The following ZNF407 variants were observed in gnomAD, a reference collection of about 807,000 sequenced individuals.
ZNF407 encodes the protein zinc finger protein 407.
A neutral mutation model predicts 131.2 loss-of-function variants in ZNF407; 17 were observed. That is an observed-to-expected ratio of 0.13 (90% CI 0.09 to 0.19). The LOEUF (loss-of-function observed/expected upper bound fraction) is 0.19, where lower values mean the gene tolerates loss of function less well. Ranked by LOEUF, ZNF407 falls within the 10% of genes least tolerant of loss-of-function variation. The pLI is 1.00. For synonymous variants in ZNF407, 1,156 were observed against 1,062.0 expected, an observed-to-expected ratio of 1.09 and a Z score of -1.72; for missense variants, 2,681 against 2,830.6, an observed-to-expected ratio of 0.95 and a Z score of 1.20.
intron 8 of ZNF407, among the ~76,000 whole-genome samples, chr18:75,055,778 T>C (rs1466414740): frequency 3.3e-5 from 5 of 152,226 alleles, no homozygotes; most frequent in Non-Finnish European, 7.3e-5. Flanking sequence ...TTGCTGCCAG[T>C]GTTAAATGTC....
intron 4 of ZNF407, among the ~76,000 whole-genome samples, chr18:74,814,572 A>T (rs1349321921): frequency 6.6e-6 from 1 of 150,492 alleles, no homozygotes; most frequent in Admixed American, 6.6e-5. Flanking sequence ...AACAATCAGT[A>T]TGATTTTATC....
At chr18:74,659,987 G>A (rs917700506) in intron 3 of ZNF407, among the ~76,000 whole-genome samples, 1 of 152,050 alleles carries the variant, frequency 6.6e-6, no homozygotes, top group Non-Finnish European at 1.5e-5. Context: ...CTTTGAGGAC[G>A]TAATTAAAGA....
At chr18:74,930,918 T>A (rs1327538030) in intron 8 of ZNF407, among the ~76,000 whole-genome samples, 1 of 152,232 alleles carries the variant, frequency 6.6e-6, no homozygotes, top group Non-Finnish European at 1.5e-5. Context: ...AGCCAAGATA[T>A]ATACACTGTG....
At chr18:75,012,562 A>G (rs1458807315) in intron 8 of ZNF407, among the ~76,000 whole-genome samples, 2 of 152,120 alleles carry the variant, frequency 1.3e-5, no homozygotes, top group African/African-American at 4.8e-5. Context: ...TTTTTTTCCA[A>G]ATTATTGAAA....
chr18:74,643,992 C>T (rs1176106577), intron 3 of ZNF407, among the ~76,000 whole-genome samples: 1 of 151,868 alleles, frequency 6.6e-6, no homozygotes, highest in Non-Finnish European at 1.5e-5. Flanking sequence ...GTATTAGATG[C>T]CTAATTCCTA....
intron 3 of ZNF407, among the ~76,000 whole-genome samples, chr18:74,716,412 CA>C (rs1199664457): frequency 6.6e-6 from 1 of 152,300 alleles, no homozygotes; most frequent in East Asian, 1.9e-4. Flanking sequence ...ACTTTGAATA[CA>C]TTAAGGTACA....
rs764057032 is a variant in ZNF407, at chr18:74,633,118, C to G, written c.2099C>G (p.Ser700Cys). The change falls in exon 2 of 9, where the codon TCC becomes TGC. Residue 700 changes from serine to cysteine, a missense_variant. By Grantham distance (112) the Ser-to-Cys change is moderately radical (BLOSUM62 -1). Transcript: ENST00000299687. ...RVSHGNEVRH[S>C]SKPQFQCKKC... ...AGCCATGGTAATGAAGTGAGGCATT[C>G]CAGTAAGCCTCAGTTTCAGTGTAAG... 6.2e-7 allele frequency: 1 copy of G among 1,613,146 alleles called. No individual in the cohort carries two copies. Among genetic ancestry groups the G allele is most frequent in the Non-Finnish European group, 8.5e-7 (1 of 1,179,734 alleles).
rs528033498 is a variant in ZNF407, at chr18:74,814,425, A to G, written c.4877+32923A>G. 7.9e-5 allele frequency among the ~76,000 whole-genome samples: 12 copies of G among 152,340 alleles called. No individual in the cohort carries two copies. In the South Asian group the frequency reaches 1.7e-3, roughly 21 times the overall value. On this transcript the variant is annotated intron_variant, in intron 4 of 8. Transcript: ENST00000299687. ...CAGGCATTAGTCACCGCTCCCAGCC[A>G]CTACTCTTTATGTTCTCAATAAATG...
intron 3 of ZNF407, among the ~76,000 whole-genome samples, chr18:74,671,807 T>C (rs1200263400): frequency 2.0e-5 from 3 of 152,238 alleles, no homozygotes; most frequent in African/African-American, 7.2e-5. Context: ...TGGGGGTTCA[T>C]TGTACTGCCT....
chr18:74,971,376 T>C (rs1173843920), intron 8 of ZNF407, among the ~76,000 whole-genome samples: 1 of 152,240 alleles, frequency 6.6e-6, no homozygotes. Flanking sequence ...TTCCAAACTT[T>C]TGTGCTCTGC....
chr18:74,886,047 A>G (rs1164461125), intron 6 of ZNF407, among the ~76,000 whole-genome samples: 1 of 152,234 alleles, frequency 6.6e-6, no homozygotes, highest in Non-Finnish European at 1.5e-5. Context: ...CAAATGACAG[A>G]GAAAGTATAT....
At chr18:74,766,967 G>A (rs886575607) in intron 3 of ZNF407, among the ~76,000 whole-genome samples, 1 of 151,836 alleles carries the variant, frequency 6.6e-6, no homozygotes, top group African/African-American at 2.4e-5. Flanking sequence ...GCTGGAGTGC[G>A]GTGGCACAGT....
intron 8 of ZNF407, among the ~76,000 whole-genome samples, chr18:75,023,635 A>G (rs1287093541): frequency 6.6e-6 from 1 of 152,146 alleles, no homozygotes; most frequent in African/African-American, 2.4e-5. Flanking sequence ...CCTTCATCCC[A>G]CAGTGGCAGG....
chr18:74,631,875 A>G lies in ZNF407; in HGVS notation c.856A>G (p.Lys286Glu). 1 of 1,613,842 alleles carries G rather than the reference A, an allele frequency of 6.2e-7. No homozygotes were observed. Among genetic ancestry groups the G allele is most frequent in the Non-Finnish European group, 8.5e-7 (1 of 1,179,864 alleles). ...TGGAGGATTTGTACAGATCTTAACA[A>G]AACAACCTTTTCCTAAAAAATCACG... ...ARGGFVQILT[K>E]QPFPKKSRTM... is the part of the protein sequence containing the mutation. The change falls in exon 2 of 9, where the codon AAA (lysine) becomes GAA (glutamate). Residue 286 changes from lysine (K) to glutamate (E), a missense_variant. Lys to Glu is a moderately conservative substitution (Grantham distance 56, BLOSUM62 1). Around this residue, in one of 6 missense-constraint regions of ZNF407, gnomAD observed 1,789 missense variants for 1,748.7 expected, o/e 1.02. Coordinates refer to ENST00000299687, the MANE Select transcript of ZNF407 (RefSeq NM_017757.3).
chr18:74,840,982 C>T (rs1970624505), intron 4 of ZNF407, among the ~76,000 whole-genome samples: 1 of 152,312 alleles, frequency 6.6e-6, no homozygotes, highest in South Asian at 2.1e-4. Context: ...CTCCCTGGTG[C>T]CTCAGTTCTC....
At chr18:74,600,911 A>G (rs922436330) in intron 1 of ZNF407, among the ~76,000 whole-genome samples, 4 of 152,204 alleles carry the variant, frequency 2.6e-5, no homozygotes, top group African/African-American at 9.7e-5. Flanking sequence ...GATTGCAACT[A>G]CGGAGACCAG....
chr18:74,689,024 C>T (rs1967160742), intron 3 of ZNF407, among the ~76,000 whole-genome samples: 1 of 152,086 alleles, frequency 6.6e-6, no homozygotes. Flanking sequence ...GATGGGGTTT[C>T]ACCCTGTTGG....
chr18:74,624,045 G>A (rs1328107224), intron 1 of ZNF407, among the ~76,000 whole-genome samples: 1 of 152,192 alleles, frequency 6.6e-6, no homozygotes, highest in Non-Finnish European at 1.5e-5. Flanking sequence ...CTTACTGTGG[G>A]AAGAAATCTG....
At chr18:74,889,611 A>G (rs1221970580) in intron 6 of ZNF407, among the ~76,000 whole-genome samples, 1 of 152,154 alleles carries the variant, frequency 6.6e-6, no homozygotes, top group Non-Finnish European at 1.5e-5. Flanking sequence ...AACATGGTTT[A>G]TTAAACCATT....
Sources: allele counts gnomAD v4.1 joint callset (sites outside exome capture counted in the v4.1 genomes callset), GRCh38; gene constraint gnomAD v4.1.1; regional missense constraint gnomAD v4.1.1; transcripts MANE v1.5; gene names NCBI Gene and HGNC (gene_info 2026-07-23, HGNC 2026-07-21).